The following POLR2M variants were observed in gnomAD, a reference collection of about 807,000 sequenced individuals.
POLR2M encodes the protein RNA polymerase II subunit M.
In POLR2M, 30 loss-of-function variants were observed where a neutral mutation model predicts 34.6. The observed-to-expected ratio is 0.87, with a 90% CI of 0.65 to 1.18. The LOEUF (loss-of-function observed/expected upper bound fraction) is 1.18, where lower values mean the gene tolerates loss of function less well. Ranked by LOEUF, POLR2M falls within the 50% of genes most tolerant of loss-of-function variation. The pLI is 0.00. For missense variants in POLR2M, 432 were observed against 448.7 expected (o/e 0.96, Z 0.34); for synonymous variants, 150 against 166.7 (o/e 0.90, Z 0.77).
intron 1 of POLR2M, among the ~76,000 whole-genome samples, chr15:57,708,402 A>T (rs1001991878): frequency 6.6e-6 from 1 of 152,216 alleles, no homozygotes; most frequent in Non-Finnish European, 1.5e-5. Context: ...TGGAGATTGC[A>T]CTTTAATGAC....
At chr15:57,707,126 G>A in intron 1 of POLR2M, 171 bp downstream of exon 1, 1 of 1,540,364 alleles carries the variant, frequency 6.5e-7, no homozygotes, top group Admixed American at 2.0e-5. Context: ...GCAGAGCCGT[G>A]CCTCTTCCTG....
chr15:57,711,530 G>A (rs1420662750), intron 2 of POLR2M, among the ~76,000 whole-genome samples: 4 of 152,056 alleles, frequency 2.6e-5, no homozygotes, highest in African/African-American at 7.3e-5. Flanking sequence ...TATTTACATG[G>A]GTAAGCAGTT....
chr15:57,714,441 T>A, intron 3 of POLR2M, 95 bp from the exon 4 acceptor site: 2 of 1,563,458 alleles, frequency 1.3e-6, no homozygotes, highest in Non-Finnish European at 1.7e-6. Context: ...GGTGTCAGTG[T>A]CCCTCTTATT....
At chr15:57,710,164 G>A (rs1162132881) in intron 2 of POLR2M, among the ~76,000 whole-genome samples, 16 of 152,128 alleles carry the variant, frequency 1.1e-4, no homozygotes, top group African/African-American at 3.9e-4. Flanking sequence ...CAGTTTCAGG[G>A]GGAAGGAAGC....
In POLR2M at chr15:57,714,947, C is replaced by G; in HGVS notation, c.*268C>G. The G allele has an allele frequency of 2.8e-6, 1 of 353,698 alleles. No homozygotes were observed. Among genetic ancestry groups the G allele is most frequent in the Non-Finnish European group, 4.9e-6 (1 of 203,374 alleles). 21.9% of individuals were successfully genotyped at this position (353,698 alleles called of 1,614,324 possible). Reference sequence around the variant, plus strand: ...TCTGATATTTTAGTATATAGTAGAACATACTTTTTTTTTCTTTAAGCCAAA... The same window carrying G: ...TCTGATATTTTAGTATATAGTAGAAGATACTTTTTTTTTCTTTAAGCCAAA... On this transcript the variant is annotated 3_prime_UTR_variant, in exon 4 of 4. Transcript: ENST00000299638.
intron 1 of POLR2M, chr15:57,707,568 T>G (rs2040545557): frequency 2.2e-6 from 1 of 459,838 alleles, no homozygotes; most frequent in Non-Finnish European, 4.4e-6. Flanking sequence ...GAGACACTTG[T>G]AAGAAAGTGA....
chr15:57,713,206 A>AAAG (rs2040808765), intron 3 of POLR2M, among the ~76,000 whole-genome samples: 1 of 151,634 alleles, frequency 6.6e-6, no homozygotes, highest in Non-Finnish European at 1.5e-5. Flanking sequence ...TCAAAAAAAA[A>AAAG]AACAACAAAA....
intron 3 of POLR2M, among the ~76,000 whole-genome samples, chr15:57,713,817 CTTCTTTT>C: frequency 9.0e-6 from 1 of 111,688 alleles, no homozygotes; most frequent in Non-Finnish European, 1.7e-5. Context: ...AGCATTAGTC[CTTCTTTT>C]TTTTTTTTTT....
chr15:57,717,221 T>C lies in POLR2M; in HGVS notation c.*2542T>C, dbSNP rs1260812951. 1 of 152,226 alleles carries C rather than the reference T, an allele frequency of 6.6e-6. No homozygotes were observed. Among genetic ancestry groups the C allele is most frequent in the Non-Finnish European group, 1.5e-5 (1 of 68,034 alleles). The allele number at this position is 152,226 out of a possible 1,614,324, so 9.4% of individuals were successfully genotyped here. A position where few individuals can be genotyped will look rare whatever the true frequency, so the allele number is the denominator to read the frequency against. ...GTTTTTTCTACACTGTCAATAATTATCGCTTTAATTGGTGTTAATATTTGG... is the reference window on the plus strand; with the variant it reads ...GTTTTTTCTACACTGTCAATAATTACCGCTTTAATTGGTGTTAATATTTGG... On this transcript the variant is annotated 3_prime_UTR_variant, in exon 4 of 4. Transcript: ENST00000299638.
Position 57,712,098 on chromosome 15 carries a change from T to G in POLR2M, c.873T>G (p.Ala291=). The change falls in exon 3 of 4, where the codon GCT becomes GCG. Residue 291 remains alanine, a synonymous_variant. Transcript: ENST00000299638. The part of the protein sequence containing the change: ...DKQHLDDITA[A]RLLPLHHMPT... ...AGCATCTTGATGACATCACAGCAGCTCGGCTTCTACCACTTCACCATATGC... is the reference window on the plus strand; with the variant it reads ...AGCATCTTGATGACATCACAGCAGCGCGGCTTCTACCACTTCACCATATGC... The G allele has an allele frequency of 6.2e-7, 1 of 1,614,184 alleles. No homozygotes were observed. The highest frequency in any genetic ancestry group is 8.5e-7 in the Non-Finnish European group (1 of 1,180,034).
intron 3 of POLR2M, among the ~76,000 whole-genome samples, chr15:57,713,335 T>C (rs1465653910): frequency 2.6e-5 from 4 of 152,248 alleles, no homozygotes; most frequent in Admixed American, 1.3e-4. Context: ...TGTCTAGTTA[T>C]GGCTGTAGCA....
At chr15:57,714,400 G>T (rs1432439840) in intron 3 of POLR2M, 136 bp from the exon 4 acceptor site, 3 of 1,438,916 alleles carry the variant, frequency 2.1e-6, no homozygotes, top group Non-Finnish European at 2.8e-6. Flanking sequence ...ACAGCCATCA[G>T]GCTTGTATTG....
Position 57,714,784 on chromosome 15 carries a change from TAA to T in POLR2M, c.*107_*108del. The T allele has an allele frequency of 6.6e-7, 1 of 1,518,542 alleles. No individual in the cohort carries two copies. The highest frequency in any genetic ancestry group is 8.8e-7 in the Non-Finnish European group (1 of 1,132,474). The allele number at this position is 1,518,542 out of a possible 1,614,324, so 94.1% of individuals were successfully genotyped here. A position where few individuals can be genotyped will look rare whatever the true frequency, so the allele number is the denominator to read the frequency against. ...GATATTGTTGAGGGAAGTAATTTTA[TAA>T]AGTTACACAAAGGTAGTTATAAAAA... is the stretch of plus-strand genomic sequence containing the variant. On this transcript the variant is annotated 3_prime_UTR_variant, in exon 4 of 4. Transcript: ENST00000299638.
chr15:57,713,897 A>G (rs1203797455), intron 3 of POLR2M, among the ~76,000 whole-genome samples: 8 of 121,556 alleles, frequency 6.6e-5, no homozygotes, highest in African/African-American at 2.6e-4. Flanking sequence ...GCTGGAGTTC[A>G]GTGGCGCAGT....
intron 3 of POLR2M, among the ~76,000 whole-genome samples, chr15:57,712,823 A>T (rs971368340): frequency 5.3e-5 from 8 of 152,196 alleles, no homozygotes; most frequent in Non-Finnish European, 1.2e-4. Flanking sequence ...GAATAATGGG[A>T]TGGGAGAAAA....
At chr15:57,711,832 C>G (rs1277506114) in intron 2 of POLR2M, 152 bp from the exon 3 acceptor site, 3 of 888,804 alleles carry the variant, frequency 3.4e-6, no homozygotes, top group Non-Finnish European at 5.1e-6. Context: ...AAACACACCC[C>G]TATTTGTTAG....
At chr15:57,710,042 T>C (rs1197000649) in intron 2 of POLR2M, among the ~76,000 whole-genome samples, 1 of 152,242 alleles carries the variant, frequency 6.6e-6, no homozygotes, top group Non-Finnish European at 1.5e-5. Flanking sequence ...AACATGGCTG[T>C]AATGTATACA....
At chr15:57,707,628 G>T in intron 1 of POLR2M, 1 of 430,274 alleles carries the variant, frequency 2.3e-6, no homozygotes, top group Non-Finnish European at 4.7e-6. Flanking sequence ...TTTAAATGCA[G>T]TTGACAGAGA....
At chr15:57,711,062 C>T (rs1445351829) in intron 2 of POLR2M, among the ~76,000 whole-genome samples, 1 of 152,186 alleles carries the variant, frequency 6.6e-6, no homozygotes, top group East Asian at 1.9e-4. Context: ...CCAGGTACCT[C>T]AGCTTAATGA....
Sources: gnomAD v4.1 joint callset for allele counts (sites outside exome capture counted in the v4.1 genomes callset) on GRCh38, gnomAD v4.1.1 for gene constraint, MANE v1.5 for transcripts, NCBI Gene and HGNC (gene_info 2026-07-23, HGNC 2026-07-21) for gene names.